The following PCDHGB3 variants were observed in gnomAD, a reference collection of about 807,000 sequenced individuals.
The protein encoded by PCDHGB3 is protocadherin gamma subfamily B, 3, also known as protocadherin gamma-B3.
In PCDHGB3, 40 loss-of-function variants were observed where a neutral mutation model predicts 59.2. That is an observed-to-expected ratio of 0.68 (90% confidence interval 0.52 to 0.88). PCDHGB3 has a LOEUF of 0.88. PCDHGB3 is among the 40% of genes least tolerant of loss of function. The pLI is 0.00. For missense variants in PCDHGB3, 1,309 were observed against 1,187.9 expected (o/e 1.10, Z -1.50); for synonymous variants, 581 against 503.6 (o/e 1.15, Z -2.06).
chr5:141,409,686 A>T, intron 1 of PCDHGB3: 3 of 1,613,350 alleles, frequency 1.9e-6, no homozygotes, highest in Non-Finnish European at 2.5e-6. Context: ...GTGGCGAGTG[A>T]CCTAGAGCCC....
chr5:141,382,910 A>G, intron 1 of PCDHGB3: 1 of 1,546,576 alleles, frequency 6.5e-7, no homozygotes. Flanking sequence ...ATGGCGGCTC[A>G]GCCGAGGGGC....
intron 1 of PCDHGB3, chr5:141,423,526 A>G (rs1229909527): frequency 6.2e-7 from 1 of 1,613,690 alleles, no homozygotes; most frequent in Non-Finnish European, 8.5e-7. Flanking sequence ...CTCGCAGAAG[A>G]GTCACCTGAT....
At chr5:141,478,670 C>T (rs1413742587) in intron 1 of PCDHGB3, 28 of 1,551,664 alleles carry the variant, frequency 1.8e-5, no homozygotes, top group Non-Finnish European at 2.4e-5. Flanking sequence ...TTCACACTTT[C>T]AACTGGCCCT....
chr5:141,410,119 C>T (rs1306210256), intron 1 of PCDHGB3: 2 of 1,612,822 alleles, frequency 1.2e-6, no homozygotes, highest in Middle Eastern at 1.7e-4. Flanking sequence ...ACGCAGCCCG[C>T]CAGCGCCTGC....
chr5:141,427,960 G>A, intron 1 of PCDHGB3: 2 of 1,589,168 alleles, frequency 1.3e-6, no homozygotes, highest in East Asian at 2.2e-5. Context: ...AATGTGCCGC[G>A]GGTGCTGTAC....
intron 1 of PCDHGB3, chr5:141,392,935 A>G: frequency 1.2e-6 from 2 of 1,613,932 alleles, no homozygotes; most frequent in Non-Finnish European, 1.7e-6. Flanking sequence ...GAGACGGACA[A>G]AGGCTCCTTC....
intron 1 of PCDHGB3, among the ~76,000 whole-genome samples, chr5:141,449,391 G>A (rs1020753910): frequency 1.3e-5 from 2 of 151,876 alleles, no homozygotes; most frequent in Non-Finnish European, 2.9e-5. Context: ...TGGATTACTT[G>A]AGGCCAGGAG....
chr5:141,377,430 T>C (rs1308051444), intron 1 of PCDHGB3: 1 of 151,886 alleles, frequency 6.6e-6, no homozygotes, highest in Non-Finnish European at 1.5e-5. Context: ...ACTCTGTCTC[T>C]ACCAAAAAGA....
chr5:141,497,110 C>T (rs964183820), intron 2 of PCDHGB3, among the ~76,000 whole-genome samples: 2 of 151,738 alleles, frequency 1.3e-5, no homozygotes, highest in African/African-American at 2.4e-5. Context: ...TGCTTGAACC[C>T]GGAAGGCAGA....
chr5:141,374,336 G>A, intron 1 of PCDHGB3: 1 of 1,614,008 alleles, frequency 6.2e-7, no homozygotes, highest in Non-Finnish European at 8.5e-7. Context: ...CGGCAGCTTG[G>A]TCACCGCGGG....
At chr5:141,374,777 G>A (rs755463569) in intron 1 of PCDHGB3, 1 of 1,613,852 alleles carries the variant, frequency 6.2e-7, no homozygotes, top group South Asian at 1.1e-5. Context: ...TCTGGTAACA[G>A]TTCTAGATGT....
At chr5:141,389,832 C>A in intron 1 of PCDHGB3, 3 of 1,613,966 alleles carry the variant, frequency 1.9e-6, no homozygotes, top group Non-Finnish European at 2.5e-6. Flanking sequence ...CGGTGGACAG[C>A]CACCACTCTC....
At chr5:141,470,001 C>T (rs753591964) in intron 1 of PCDHGB3, among the ~76,000 whole-genome samples, 6 of 152,006 alleles carry the variant, frequency 3.9e-5, no homozygotes, top group Admixed American at 1.3e-4. Context: ...CGTCGTGGCA[C>T]GCCTGTAATC....
chr5:141,375,490 C>T (rs752487734), intron 1 of PCDHGB3: 1 of 1,614,012 alleles, frequency 6.2e-7, no homozygotes, highest in East Asian at 2.2e-5. Context: ...CCAGGGGTGC[C>T]TCCATCTTCT....
Position 141,423,337 on chromosome 5 carries a change from A to G in PCDHGB3, c.2415+50528A>G, listed in dbSNP as rs769321122. The G allele has an allele frequency of 6.0e-5, 97 of 1,614,180 alleles. 1 individual carries two copies. The African/African-American group carries it at 8.9e-4, about 15-fold the overall frequency. ...GGTGGCGGTGGCCGCAGTCTCCTGC[A>G]TCTTCCTGGTCTTTGTCATCGTGCT... On this transcript the variant is annotated intron_variant, in intron 1 of 3. Coordinates refer to ENST00000576222, the MANE Select transcript of PCDHGB3 (RefSeq NM_018924.5).
chr5:141,418,694 TATTCC>T, intron 1 of PCDHGB3: 2 of 1,614,044 alleles, frequency 1.2e-6, no homozygotes, highest in Non-Finnish European at 1.7e-6. Flanking sequence ...AGAGATCACT[TATTCC>T]TTCTTTGGTG....
At chr5:141,386,520 G>A (rs976508801) in intron 1 of PCDHGB3, among the ~76,000 whole-genome samples, 1 of 144 alleles carries the variant, frequency 6.9e-3, no homozygotes, top group South Asian at 0.5. Context: ...TTCAAAAAAA[G>A]ACTCTTTTTA....
intron 1 of PCDHGB3, 62 bp downstream of exon 1, chr5:141,372,871 G>A: frequency 7.4e-7 from 1 of 1,350,238 alleles, no homozygotes; most frequent in African/African-American, 1.5e-5. Context: ...TTGATTTAGA[G>A]ATAAAAAGAA....
chr5:141,378,119 G>A (rs1412148490), intron 1 of PCDHGB3: 1 of 152,132 alleles, frequency 6.6e-6, no homozygotes, highest in East Asian at 1.9e-4. Context: ...TAGTGAACAC[G>A]TATTTGTTGA....
Sources: allele counts gnomAD v4.1 joint callset (sites outside exome capture counted in the v4.1 genomes callset), GRCh38; gene constraint gnomAD v4.1.1; transcripts MANE v1.5; gene names NCBI Gene and HGNC (gene_info 2026-07-23, HGNC 2026-07-21).